PCDHA1: variants seen among roughly 807,000 people sequenced by gnomAD.
The protein encoded by PCDHA1 is protocadherin alpha 1.
A neutral mutation model predicts 61.3 loss-of-function variants in PCDHA1; 42 were observed. The ratio of observed to expected loss-of-function variants is 0.69; its 90% confidence interval spans 0.54 to 0.89. The LOEUF is 0.89. Ranked by LOEUF, PCDHA1 falls within the 40% of genes least tolerant of loss-of-function variation. The pLI, the probability that PCDHA1 is intolerant of heterozygous loss-of-function variation, is 0.00. For missense variants in PCDHA1, 1,256 were observed against 1,235.3 expected (o/e 1.02, Z -0.25); for synonymous variants, 610 against 553.8 (o/e 1.10, Z -1.43).
At chr5:140,823,497 C>T in intron 1 of PCDHA1, 1 of 1,613,246 alleles carries the variant, frequency 6.2e-7, no homozygotes, top group Non-Finnish European at 8.5e-7. Flanking sequence ...GCACCGGCGG[C>T]GCAGTGAGCG....
intron 1 of PCDHA1, among the ~76,000 whole-genome samples, chr5:140,941,215 C>CTTT (rs782548958): frequency 2.3e-4 from 24 of 104,510 alleles, no homozygotes; most frequent in African/African-American, 3.3e-4. Context: ...TTCTTTCTTC[C>CTTT]TTTCTTTCTT....
At chr5:141,003,832 G>C (rs1261830894) in intron 3 of PCDHA1, among the ~76,000 whole-genome samples, 1 of 152,102 alleles carries the variant, frequency 6.6e-6, no homozygotes, top group Non-Finnish European at 1.5e-5. Flanking sequence ...TCTGCCTAAC[G>C]ATTCAGACCC....
chr5:140,940,736 A>G (rs1554213579), intron 1 of PCDHA1, among the ~76,000 whole-genome samples: 1 of 152,200 alleles, frequency 6.6e-6, no homozygotes, highest in Non-Finnish European at 1.5e-5. Flanking sequence ...GGACAGCTCC[A>G]TATTTTTATG....
chr5:140,846,716 T>A (rs1562434614), intron 1 of PCDHA1, among the ~76,000 whole-genome samples: 1 of 149,312 alleles, frequency 6.7e-6, no homozygotes, highest in Non-Finnish European at 1.5e-5. Context: ...TAATAACCAG[T>A]CTTCATTAAA....
chr5:140,981,252 T>C (rs1482350756), intron 2 of PCDHA1, among the ~76,000 whole-genome samples: 1 of 152,240 alleles, frequency 6.6e-6, no homozygotes, highest in African/African-American at 2.4e-5. Context: ...GAAATTTAAC[T>C]TTCAAGATAA....
intron 1 of PCDHA1, chr5:140,802,800 G>T: frequency 6.2e-7 from 1 of 1,613,520 alleles, no homozygotes; most frequent in Non-Finnish European, 8.5e-7. Flanking sequence ...GCAGTTCCAG[G>T]TGAGTGCGCG....
At chr5:140,921,616 A>C (rs1369093554) in intron 1 of PCDHA1, among the ~76,000 whole-genome samples, 1 of 152,222 alleles carries the variant, frequency 6.6e-6, no homozygotes, top group African/African-American at 2.4e-5. Flanking sequence ...GAAAAATATC[A>C]TCAGATCATC....
At chr5:140,851,481 C>G in intron 1 of PCDHA1, 1 of 891,038 alleles carries the variant, frequency 1.1e-6, no homozygotes, top group Non-Finnish European at 1.4e-6. Flanking sequence ...ATGTTATAAA[C>G]ACAGCCTTCA....
At chr5:140,796,400 C>T (rs202116317) in intron 1 of PCDHA1, 5 of 1,613,752 alleles carry the variant, frequency 3.1e-6, no homozygotes, top group African/African-American at 1.3e-5. Context: ...ACGGTGTCAG[C>T]GTGGGATGCG....
chr5:140,895,668 T>C (rs2065102216), intron 1 of PCDHA1, among the ~76,000 whole-genome samples: 1 of 152,170 alleles, frequency 6.6e-6, no homozygotes, highest in South Asian at 2.1e-4. Flanking sequence ...TGAGAACATG[T>C]AGTATTTGGT....
intron 1 of PCDHA1, among the ~76,000 whole-genome samples, chr5:140,800,297 T>C (rs1762537476): frequency 6.6e-6 from 1 of 152,168 alleles, no homozygotes; most frequent in Non-Finnish European, 1.5e-5. Context: ...GACCGACTTC[T>C]GAAATCTTTA....
rs1554125155 is a variant in PCDHA1 at position 140,809,341 on chromosome 5, C to A, written c.2394+20657C>A. 4 of 1,613,952 alleles carry A rather than the reference C, an allele frequency of 2.5e-6. No homozygotes were observed. In the Admixed American group the frequency reaches 6.7e-5, roughly 27 times the overall value. Reference sequence around the variant, plus strand: ...TTTTGGTGCTCACGCTGCTGCTGTACACCGCGCTGCGGTGCTCTGCGCTGC... The same window carrying A: ...TTTTGGTGCTCACGCTGCTGCTGTAAACCGCGCTGCGGTGCTCTGCGCTGC... On this transcript the variant is annotated intron_variant, in intron 1 of 3. Transcript: ENST00000504120.
intron 3 of PCDHA1, 123 bp downstream of exon 3, chr5:140,982,686 C>T: frequency 2.8e-6 from 4 of 1,418,870 alleles, no homozygotes; most frequent in Non-Finnish European, 3.7e-6. Context: ...TCCCTTTTTT[C>T]CATACATACA....
chr5:140,795,807 C>T (rs1554119570), intron 1 of PCDHA1: 4 of 1,612,954 alleles, frequency 2.5e-6, no homozygotes, highest in Middle Eastern at 1.7e-4. Context: ...TGTATTCACT[C>T]GGTAGTGATG....
chr5:140,911,979 A>G (rs1583809781), intron 1 of PCDHA1, among the ~76,000 whole-genome samples: 2 of 152,328 alleles, frequency 1.3e-5, no homozygotes, highest in African/African-American at 4.8e-5. Flanking sequence ...AACTCACATG[A>G]TCACAAGGTC....
At chr5:140,829,748 G>C in intron 1 of PCDHA1, 1 of 1,613,722 alleles carries the variant, frequency 6.2e-7, no homozygotes, top group Non-Finnish European at 8.5e-7. Context: ...GACGCTGCAG[G>C]TGTTCGTGCT....
chr5:140,883,142 G>A (rs150205860), intron 1 of PCDHA1: 1 of 1,614,004 alleles, frequency 6.2e-7, no homozygotes, highest in South Asian at 1.1e-5. Flanking sequence ...AGTGGTATAT[G>A]CATTTACCAT....
At chr5:140,796,069 A>T (rs1562156896) in intron 1 of PCDHA1, 1 of 1,614,190 alleles carries the variant, frequency 6.2e-7, no homozygotes, top group Non-Finnish European at 8.5e-7. Context: ...GGGCACTGTC[A>T]TTGCTCTCAT....
chr5:140,935,835 A>G (rs1405712064), intron 1 of PCDHA1, among the ~76,000 whole-genome samples: 3 of 151,830 alleles, frequency 2.0e-5, no homozygotes, highest in Admixed American at 6.6e-5. Flanking sequence ...CACATATTCC[A>G]TACTGCTTAA....
Sources: allele counts gnomAD v4.1 joint callset (sites outside exome capture counted in the v4.1 genomes callset), GRCh38; gene constraint gnomAD v4.1.1; transcripts MANE v1.5; gene names NCBI Gene and HGNC (gene_info 2026-07-23, HGNC 2026-07-21).